The following TXNRD2 variants were observed in gnomAD, a reference collection of about 807,000 sequenced individuals.
The protein encoded by TXNRD2 is thioredoxin reductase 2, mitochondrial.
A neutral mutation model predicts 70.8 loss-of-function variants in TXNRD2; 67 were observed. The observed-to-expected ratio is 0.95, with a 90% CI of 0.78 to 1.16. The LOEUF (loss-of-function observed/expected upper bound fraction) is 1.16. TXNRD2 is among the 50% of genes most tolerant of loss of function. The pLI, the probability that TXNRD2 is intolerant of heterozygous loss-of-function variation, is 0.00. For missense variants in TXNRD2, 644 were observed against 719.9 expected (o/e 0.89, Z 1.21); for synonymous variants, 301 against 295.8 (o/e 1.02, Z -0.18).
At chr22:19,918,787 G>C in intron 4 of TXNRD2, 73 bp downstream of exon 4, 1 of 1,581,832 alleles carries the variant, frequency 6.3e-7, no homozygotes, top group Non-Finnish European at 8.6e-7. Flanking sequence ...GCTCATCGAG[G>C]ATAAGCCTCC....
intron 1 of TXNRD2, chr22:19,932,380 TG>T: frequency 6.2e-7 from 1 of 1,612,652 alleles, no homozygotes. Context: ...GGTGGCTCAC[TG>T]CACATAGTGC....
intron 11 of TXNRD2, among the ~76,000 whole-genome samples, chr22:19,885,580 C>A (rs996651799): frequency 6.6e-6 from 1 of 152,218 alleles, no homozygotes; most frequent in Non-Finnish European, 1.5e-5. Context: ...AGGAGCTGGG[C>A]CCCATGGGCA....
chr22:19,917,488 T>C (rs909300217), intron 5 of TXNRD2, among the ~76,000 whole-genome samples: 21 of 152,152 alleles, frequency 1.4e-4, no homozygotes, highest in African/African-American at 4.6e-4. Flanking sequence ...AAATGGTGCA[T>C]GAGGAGAGCC....
At chr22:19,902,846 T>C (rs551665655) in intron 8 of TXNRD2, 96 of 445,452 alleles carry the variant, frequency 2.2e-4, no homozygotes, top group African/African-American at 1.8e-3. Flanking sequence ...AAATTAAATT[T>C]TCTCCCAAAT....
At chr22:19,941,370 C>T (rs1377681123) in intron 1 of TXNRD2, among the ~76,000 whole-genome samples, 5 of 152,126 alleles carry the variant, frequency 3.3e-5, no homozygotes, top group Admixed American at 6.5e-5. Flanking sequence ...CCAGTGGGGC[C>T]GGTGCCTGGT....
chr22:19,895,332 C>T (rs1939452715), intron 11 of TXNRD2, 75 bp downstream of exon 11: 2 of 1,607,228 alleles, frequency 1.2e-6, no homozygotes, highest in African/African-American at 2.7e-5. Flanking sequence ...TGGGAGGTGA[C>T]AGGAAGTGGG....
At chr22:19,895,845 G>C (rs1474182269) in intron 10 of TXNRD2, among the ~76,000 whole-genome samples, 2 of 152,160 alleles carry the variant, frequency 1.3e-5, no homozygotes, top group African/African-American at 4.8e-5. Flanking sequence ...AATTAACTAA[G>C]TCTTCATCAG....
chr22:19,923,657 C>T (rs182552405), intron 2 of TXNRD2, among the ~76,000 whole-genome samples: 15 of 152,174 alleles, frequency 9.9e-5, no homozygotes, highest in Admixed American at 5.9e-4. Flanking sequence ...ACAAAATTAG[C>T]CAGGTGTGGT....
chr22:19,910,603 C>G (rs1601439618), intron 8 of TXNRD2, among the ~76,000 whole-genome samples: 1 of 152,180 alleles, frequency 6.6e-6, no homozygotes, highest in East Asian at 1.9e-4. Flanking sequence ...CAGAGGGGCA[C>G]AAGTCACAGG....
intron 8 of TXNRD2, among the ~76,000 whole-genome samples, chr22:19,906,172 G>A (rs980181026): frequency 2.0e-5 from 3 of 152,152 alleles, no homozygotes; most frequent in African/African-American, 4.8e-5. Context: ...AGTGGACAAG[G>A]ACCATGCTGG....
intron 8 of TXNRD2, among the ~76,000 whole-genome samples, chr22:19,907,488 GGGT>G: frequency 2.1e-5 from 1 of 46,544 alleles, no homozygotes; most frequent in Non-Finnish European, 4.1e-5. Context: ...AGGAGAGTGT[GGGT>G]GCACCGTGGG....
At chr22:19,895,658 A>G in intron 10 of TXNRD2, 77 bp from the exon 11 acceptor site, 1 of 1,556,024 alleles carries the variant, frequency 6.4e-7, no homozygotes. Flanking sequence ...CTGCTCTCGA[A>G]GGCCTCAATG....
At chr22:19,914,477 T>C (rs558550607) in intron 7 of TXNRD2, among the ~76,000 whole-genome samples, 1 of 152,204 alleles carries the variant, frequency 6.6e-6, no homozygotes, top group South Asian at 2.1e-4. Flanking sequence ...TTATGCTCAG[T>C]GAAGTAAGCC....
chr22:19,905,321 T>TA (rs1227278326), intron 8 of TXNRD2, among the ~76,000 whole-genome samples: 2 of 152,162 alleles, frequency 1.3e-5, no homozygotes, highest in African/African-American at 2.4e-5. Context: ...GAAAGAGCTT[T>TA]AAAAAAAATC....
chr22:19,892,454 A>G (rs1398117952), intron 11 of TXNRD2, among the ~76,000 whole-genome samples: 1 of 152,266 alleles, frequency 6.6e-6, no homozygotes, highest in African/African-American at 2.4e-5. Flanking sequence ...TGCCAGGCAG[A>G]CTGTCTGGGG....
intron 2 of TXNRD2, among the ~76,000 whole-genome samples, chr22:19,922,540 C>T (rs1372265310): frequency 3.3e-5 from 5 of 152,182 alleles, no homozygotes; most frequent in African/African-American, 1.2e-4. Flanking sequence ...GATCCCAGAC[C>T]TTTGGGTCCC....
intron 10 of TXNRD2, among the ~76,000 whole-genome samples, chr22:19,896,582 T>G (rs754505430): frequency 6.6e-6 from 1 of 152,136 alleles, no homozygotes; most frequent in African/African-American, 2.4e-5. Context: ...CAGGTCCAGA[T>G]CAGGGACAGA....
At chr22:19,917,945 T>TCAG (rs1182378605) in intron 5 of TXNRD2, among the ~76,000 whole-genome samples, 198 bp downstream of exon 5, 4 of 152,186 alleles carry the variant, frequency 2.6e-5, no homozygotes, top group African/African-American at 9.7e-5. Context: ...CAGGCTCTGC[T>TCAG]CAGCAGCAAA....
At position 19,899,016 on chromosome 22, in the gene TXNRD2, C is replaced by T. The variant is rs771129473; in HGVS notation, c.682+33G>A. The T allele has an allele frequency of 6.2e-6, 10 of 1,604,598 alleles. No individual in the cohort carries two copies. The South Asian group carries it at 1.1e-4, about 18-fold the overall frequency. ...CTCAAGGGAAGGAGTGTCCAGTTCC[C>T]AGGACGGCCACCTGCACGCTTGCAA... On this transcript the variant is annotated intron_variant, in intron 9 of 17. Transcript: ENST00000400521.
Sources: gnomAD v4.1 joint callset for allele counts (sites outside exome capture counted in the v4.1 genomes callset) on GRCh38, gnomAD v4.1.1 for gene constraint, MANE v1.5 for transcripts, NCBI Gene and HGNC (gene_info 2026-07-23, HGNC 2026-07-21) for gene names.